FGGY: variants seen among roughly 807,000 people sequenced by gnomAD.
FGGY encodes FGGY carbohydrate kinase domain-containing protein.
Under a neutral mutation model 71.3 loss-of-function variants are expected in FGGY, and 72 were observed. The observed-to-expected ratio is 1.01, with a 90% confidence interval of 0.84 to 1.23. The LOEUF is 1.23. FGGY is among the 50% of genes most tolerant of loss of function. The probability of loss-of-function intolerance (pLI) is 0.00; values close to 1 mark genes in which losing one functional copy is unlikely to be tolerated. For synonymous variants in FGGY, 251 were observed against 250.3 expected, an observed-to-expected ratio of 1.00 and a Z score of -0.02; for missense variants, 668 against 682.3, an observed-to-expected ratio of 0.98 and a Z score of 0.23.
Position 59,378,839 on chromosome 1 carries a change from T to G in FGGY, c.554+2T>G, listed in dbSNP as rs1340990086. 2 of 1,610,836 alleles carry G rather than the reference T, an allele frequency of 1.2e-6. No homozygotes were observed. On this transcript the variant is annotated splice_donor_variant, in intron 5 of 15. Transcript: ENST00000303721. LOFTEE classifies it high-confidence loss of function. The stretch of plus-strand genomic sequence containing the variant: ...GAAGGCAACAGGTGTCACAGCACGG[T>G]ATGTTAATTACAAGTTGGATTGTGT...
At chr1:59,384,951 G>GGT (rs757913955) in intron 5 of FGGY, among the ~76,000 whole-genome samples, 6 of 152,140 alleles carry the variant, frequency 3.9e-5, no homozygotes, top group Non-Finnish European at 8.8e-5. Flanking sequence ...ATTGAAATTT[G>GGT]GTGTTTATTT....
At chr1:59,515,259 GA>G (rs2094613237) in intron 7 of FGGY, among the ~76,000 whole-genome samples, 2 of 152,238 alleles carry the variant, frequency 1.3e-5, no homozygotes, top group African/African-American at 4.8e-5. Context: ...CCTGGGCCCT[GA>G]AACTCCTTTG....
chr1:59,670,487 G>A (rs1358359689), intron 13 of FGGY, among the ~76,000 whole-genome samples: 1 of 152,174 alleles, frequency 6.6e-6, no homozygotes, highest in Admixed American at 6.5e-5. Flanking sequence ...GATCAGCTCT[G>A]TGACTTTGGG....
chr1:59,546,529 G>GATTATTATTATTATTATT (rs1491122158), intron 7 of FGGY, among the ~76,000 whole-genome samples: 17 of 91,666 alleles, frequency 1.9e-4, no homozygotes, highest in African/African-American at 8.7e-4. Context: ...TGATGATGAT[G>GATTATTATTATTATTATT]ATGATGATTA....
At chr1:59,430,596 A>G (rs1017300919) in intron 5 of FGGY, among the ~76,000 whole-genome samples, 1 of 152,068 alleles carries the variant, frequency 6.6e-6, no homozygotes, top group African/African-American at 2.4e-5. Context: ...TTCTGTTTTG[A>G]GACTTTGCCC....
chr1:59,549,899 T>C (rs780602914), intron 7 of FGGY, among the ~76,000 whole-genome samples: 16 of 152,256 alleles, frequency 1.1e-4, no homozygotes, highest in Non-Finnish European at 1.9e-4. Flanking sequence ...AAGTTTTAAA[T>C]GTTCCTTTTT....
At chr1:59,452,392 T>A (rs2072965613) in intron 5 of FGGY, among the ~76,000 whole-genome samples, 1 of 152,224 alleles carries the variant, frequency 6.6e-6, no homozygotes. Context: ...AGTGATTTTT[T>A]AGTTCTTCTG....
At chr1:59,311,398 C>G (rs1024017053) in intron 1 of FGGY, among the ~76,000 whole-genome samples, 6 of 152,010 alleles carry the variant, frequency 3.9e-5, no homozygotes, top group Non-Finnish European at 7.4e-5. Flanking sequence ...CCTCGTCCCC[C>G]CACCCCACAA....
At chr1:59,454,773 C>A (rs923178998) in intron 5 of FGGY, among the ~76,000 whole-genome samples, 2 of 152,162 alleles carry the variant, frequency 1.3e-5, no homozygotes, top group Admixed American at 6.6e-5. Context: ...ATTTCTGTCT[C>A]CCCAATTAAA....
chr1:59,417,623 G>A (rs1324122562), intron 5 of FGGY, among the ~76,000 whole-genome samples: 5 of 152,034 alleles, frequency 3.3e-5, no homozygotes, highest in African/African-American at 1.2e-4. Context: ...TTTTTTGTTT[G>A]TTTTTATTAT....
At chr1:59,475,572 C>G (rs2093224578) in intron 6 of FGGY, among the ~76,000 whole-genome samples, 1 of 152,170 alleles carries the variant, frequency 6.6e-6, no homozygotes, top group African/African-American at 2.4e-5. Flanking sequence ...TCTTTTCCAT[C>G]TCAGTAGAAG....
At chr1:59,305,400 G>A (rs952241564) in intron 1 of FGGY, among the ~76,000 whole-genome samples, 5 of 152,174 alleles carry the variant, frequency 3.3e-5, no homozygotes, top group African/African-American at 1.2e-4. Flanking sequence ...TACAAGGATA[G>A]TTACTTACTT....
intron 7 of FGGY, among the ~76,000 whole-genome samples, chr1:59,518,235 C>G (rs1182277351): frequency 6.6e-6 from 1 of 152,146 alleles, no homozygotes; most frequent in Admixed American, 6.5e-5. Context: ...TGCCCTAGAA[C>G]AACACATAGT....
chr1:59,539,789 T>C (rs2095411476), intron 7 of FGGY, among the ~76,000 whole-genome samples: 1 of 152,106 alleles, frequency 6.6e-6, no homozygotes, highest in South Asian at 2.1e-4. Context: ...ATCAAAAGCT[T>C]CCATTAAAAG....
chr1:59,510,829 T>C lies in FGGY; in HGVS notation c.671-1482T>C, dbSNP rs563581475. ...TCTCAATTCAGACGCTAGATTTTTG[T>C]TGGAAATACTTGATTTAGATTTCTT... On this transcript the variant is annotated intron_variant, in intron 6 of 15. Transcript: ENST00000303721. Among the ~76,000 whole-genome samples, 3 of 152,366 alleles carry C rather than the reference T, an allele frequency of 2.0e-5. No homozygotes were observed. The South Asian group carries it at 6.2e-4, about 32-fold the overall frequency.
intron 12 of FGGY, 115 bp from the exon 13 acceptor site, chr1:59,667,168 G>C: frequency 7.8e-7 from 1 of 1,275,472 alleles, no homozygotes; most frequent in South Asian, 1.2e-5. Flanking sequence ...AGCTTTCTGA[G>C]ATAGTGTATG....
intron 12 of FGGY, 130 bp downstream of exon 12, chr1:59,660,423 A>G: frequency 3.2e-6 from 2 of 624,956 alleles, no homozygotes; most frequent in Middle Eastern, 3.1e-4. Context: ...TGCAAAAAAG[A>G]GATTCTTGTA....
At chr1:59,622,388 G>A (rs1193896864) in intron 9 of FGGY, among the ~76,000 whole-genome samples, 2 of 152,076 alleles carry the variant, frequency 1.3e-5, no homozygotes, top group Non-Finnish European at 2.9e-5. Flanking sequence ...TTTGGACATT[G>A]TGATTGATAT....
intron 4 of FGGY, among the ~76,000 whole-genome samples, chr1:59,349,982 T>A (rs2052914262): frequency 2.0e-5 from 3 of 152,170 alleles, no homozygotes; most frequent in African/African-American, 7.2e-5. Flanking sequence ...CCAAAAGCTC[T>A]GCTCCCCTAC....
Sources: gnomAD v4.1 joint callset for allele counts (sites outside exome capture counted in the v4.1 genomes callset) on GRCh38, gnomAD v4.1.1 for gene constraint, MANE v1.5 for transcripts, NCBI Gene and HGNC (gene_info 2026-07-23, HGNC 2026-07-21) for gene names.